ARID3B: variants seen among roughly 807,000 people sequenced by gnomAD.
The protein encoded by ARID3B is AT-rich interactive domain-containing protein 3B.
Under a neutral mutation model 51.9 loss-of-function variants are expected in ARID3B, and 10 were observed. That is an observed-to-expected ratio of 0.19 (90% confidence interval 0.12 to 0.33). The LOEUF is 0.33. ARID3B is among the 10% of genes least tolerant of loss of function. The probability of loss-of-function intolerance (pLI) is 1.00; values close to 1 mark genes in which losing one functional copy is unlikely to be tolerated. For missense variants in ARID3B, 483 were observed against 716.3 expected (o/e 0.67, Z 3.72); for synonymous variants, 205 against 279.5 (o/e 0.73, Z 2.66).
chr15:74,557,979 G>A (rs915826461), intron 2 of ARID3B, among the ~76,000 whole-genome samples: 4 of 151,500 alleles, frequency 2.6e-5, no homozygotes, highest in South Asian at 2.1e-4. Flanking sequence ...CCGCCACCAC[G>A]CCTAGCTAAT....
rs2061833029 is a variant in ARID3B, at chr15:74,597,553, C to T, written c.*1779C>T. The T allele has an allele frequency of 1.9e-6, 1 of 535,860 alleles. No individual in the cohort carries two copies. The highest frequency in any genetic ancestry group is 3.9e-5 in the East Asian group (1 of 25,794). The allele number at this position is 535,860 out of a possible 1,614,324, so 33.2% of individuals were successfully genotyped here. On this transcript the variant is annotated 3_prime_UTR_variant, in exon 9 of 9. Coordinates refer to ENST00000346246, the MANE Select transcript of ARID3B (RefSeq NM_006465.4). ...CATACCCCATCTCCCGAGGGCTGAC[C>T]TCCTCTGGCCTCAGCCTGCAGGGTG...
At chr15:74,586,113 T>C (rs747325542) in intron 4 of ARID3B, among the ~76,000 whole-genome samples, 11 of 152,190 alleles carry the variant, frequency 7.2e-5, no homozygotes, top group Non-Finnish European at 1.5e-4. Context: ...GAGAGTTCAC[T>C]GTGGAGTGAG....
chr15:74,569,911 T>C (rs1278279005), intron 2 of ARID3B, among the ~76,000 whole-genome samples: 1 of 152,194 alleles, frequency 6.6e-6, no homozygotes, highest in Non-Finnish European at 1.5e-5. Context: ...GAATTGACCA[T>C]CCTTGCCTTG....
chr15:74,572,893 A>G lies in ARID3B; in HGVS notation c.584A>G (p.Asp195Gly), dbSNP rs1372312020. The change falls in exon 3 of 9, where the codon GAT (aspartate) becomes GGT (glycine). Residue 195 changes from aspartate to glycine, a missense_variant. Asp to Gly is a moderately conservative substitution (Grantham distance 94). Around this residue, in one of 3 missense-constraint regions of ARID3B, gnomAD observed 182 missense variants for 244.5 expected, o/e 0.74. Transcript: ENST00000346246. The stretch of plus-strand genomic sequence containing the variant: ...GGTTTGGCCTGGAGTGATGATGCAG[A>G]TGGAGGCCGGGGAAGAGAGATCTCT... Reference protein sequence around the residue: ...NGGLAWSDDADGGRGREISRD... With the variant: ...NGGLAWSDDAGGGRGREISRD... 1 of 1,614,020 alleles carries G rather than the reference A, an allele frequency of 6.2e-7. No individual in the cohort carries two copies. Among genetic ancestry groups the G allele is most frequent in the Non-Finnish European group, 8.5e-7 (1 of 1,180,026 alleles).
chr15:74,578,435 A>G (rs776463358), intron 4 of ARID3B, among the ~76,000 whole-genome samples: 6 of 152,086 alleles, frequency 3.9e-5, no homozygotes, highest in African/African-American at 7.2e-5. Flanking sequence ...TCGGCCTCCT[A>G]AAGTGTTAGG....
At chr15:74,544,689 C>CTTT (rs398057829) in intron 2 of ARID3B, among the ~76,000 whole-genome samples, 9 of 136,634 alleles carry the variant, frequency 6.6e-5, no homozygotes, top group African/African-American at 2.2e-4. Context: ...ATATGTTACT[C>CTTT]TTTTTTTTTT....
At chr15:74,563,771 T>G (rs2061687566) in intron 2 of ARID3B, among the ~76,000 whole-genome samples, 1 of 151,592 alleles carries the variant, frequency 6.6e-6, no homozygotes, top group African/African-American at 2.4e-5. Context: ...GCTCTCGGAC[T>G]TGGACTTGGC....
intron 2 of ARID3B, among the ~76,000 whole-genome samples, chr15:74,544,830 A>G (rs2061609591): frequency 6.6e-6 from 1 of 151,584 alleles, no homozygotes; most frequent in Non-Finnish European, 1.5e-5. Context: ...AGCTGGGACT[A>G]TAGGCGCGTG....
intron 1 of ARID3B, among the ~76,000 whole-genome samples, 170 bp from the exon 2 acceptor site, chr15:74,543,690 C>A (rs2061602627): frequency 6.6e-6 from 1 of 152,148 alleles, no homozygotes; most frequent in Non-Finnish European, 1.5e-5. Flanking sequence ...CCTTTTCCTA[C>A]CCACCCACGA....
intron 4 of ARID3B, among the ~76,000 whole-genome samples, chr15:74,588,405 G>A (rs776128461): frequency 2.0e-5 from 3 of 152,076 alleles, no homozygotes; most frequent in South Asian, 2.1e-4. Context: ...GAAAGAAGGC[G>A]GATGGAGCAG....
Position 74,597,165 on chromosome 15 carries a change from G to T in ARID3B, c.*1391G>T, listed in dbSNP as rs1183684385. On this transcript the variant is annotated 3_prime_UTR_variant, in exon 9 of 9. Coordinates refer to ENST00000346246, the MANE Select transcript of ARID3B (RefSeq NM_006465.4). ...CCTTGCCAGAGGTTGAGCCGCCCCA[G>T]GGTATGAGGAGATGAATAACTCCAC... is the stretch of plus-strand genomic sequence containing the variant. 3.8e-6 allele frequency: 1 copy of T among 265,424 alleles called. No individual in the cohort carries two copies. Among genetic ancestry groups the T allele is most frequent in the African/African-American group, 2.2e-5 (1 of 45,554 alleles). 16.4% of individuals were successfully genotyped at this position (265,424 alleles called of 1,614,324 possible).
At chr15:74,578,688 G>A (rs1256293556) in intron 4 of ARID3B, among the ~76,000 whole-genome samples, 1 of 152,146 alleles carries the variant, frequency 6.6e-6, no homozygotes, top group Non-Finnish European at 1.5e-5. Flanking sequence ...AATAGCCTGA[G>A]TTAGCCTGGA....
rs2061715576 is a variant in ARID3B at position 74,570,512 on chromosome 15, C to T, written c.553-2350C>T. Among the ~76,000 whole-genome samples, 9 of 133,094 alleles carry T rather than the reference C, an allele frequency of 6.8e-5. No individual in the cohort carries two copies. The South Asian group carries it at 2.3e-3, about 35-fold the overall frequency. 87.3% of individuals were successfully genotyped at this position (133,094 alleles called of 152,430 possible). ...AAAAAAAAAAAGTGTTTTCATCTCT[C>T]TTGGTGACTGATAGAGAAAGAGTCC... is the stretch of plus-strand genomic sequence containing the variant. On this transcript the variant is annotated intron_variant, in intron 2 of 8. Coordinates refer to ENST00000346246, the MANE Select transcript of ARID3B (RefSeq NM_006465.4).
At chr15:74,575,057 G>T (rs2061732878) in intron 4 of ARID3B, 1 of 150,286 alleles carries the variant, frequency 6.7e-6, no homozygotes, top group Non-Finnish European at 1.5e-5. Context: ...TGGCAGCAAT[G>T]AACCTCCCCG....
chr15:74,552,728 G>A (rs1178254688), intron 2 of ARID3B, among the ~76,000 whole-genome samples: 1 of 152,016 alleles, frequency 6.6e-6, no homozygotes. Flanking sequence ...ACTTAGTAAT[G>A]TGCATTTAAG....
chr15:74,559,122 C>A (rs568294449), intron 2 of ARID3B, among the ~76,000 whole-genome samples: 1 of 152,278 alleles, frequency 6.6e-6, no homozygotes, highest in Admixed American at 6.5e-5. Flanking sequence ...CCTGGACTCC[C>A]TTCTCTTGGG....
chr15:74,569,491 G>A (rs1413036861), intron 2 of ARID3B, among the ~76,000 whole-genome samples: 1 of 152,172 alleles, frequency 6.6e-6, no homozygotes, highest in East Asian at 1.9e-4. Flanking sequence ...GGAGGCTGAC[G>A]CAGGAGAATC....
Position 74,591,109 on chromosome 15 carries a change from G to A in ARID3B, c.882-42G>A, listed in dbSNP as rs2061801037. ...CAACCTCAACTGGGTGGTCTCTGGT[G>A]CTGTTTTGGATTATTCTCCCTGCTT... is the stretch of plus-strand genomic sequence containing the variant. On this transcript the variant is annotated intron_variant, in intron 5 of 8. Transcript: ENST00000346246. This position sits in a 1 kb window ranked among gnomAD's most constrained non-coding sequence, Gnocchi z 5.8. 1 of 1,549,072 alleles carries A rather than the reference G, an allele frequency of 6.5e-7. No individual in the cohort carries two copies. Among genetic ancestry groups the A allele is most frequent in the Admixed American group, 1.8e-5 (1 of 54,514 alleles).
chr15:74,590,571 A>T (rs1034594115), intron 5 of ARID3B, among the ~76,000 whole-genome samples: 1 of 152,234 alleles, frequency 6.6e-6, no homozygotes, highest in Non-Finnish European at 1.5e-5. Flanking sequence ...AACCAATAGT[A>T]GCACTGAAGA....
Sources: allele counts gnomAD v4.1 joint callset (sites outside exome capture counted in the v4.1 genomes callset), GRCh38; gene constraint gnomAD v4.1.1; regional missense constraint gnomAD v4.1.1; non-coding constraint Gnocchi (gnomAD v3.1); transcripts MANE v1.5; gene names NCBI Gene and HGNC (gene_info 2026-07-23, HGNC 2026-07-21).